MALRD1: variants seen among roughly 807,000 people sequenced by gnomAD.
MALRD1 encodes MAM and LDL receptor class A domain containing 1.
A neutral mutation model predicts 242.1 loss-of-function variants in MALRD1; 247 were observed. That is an observed-to-expected ratio of 1.02 (90% CI 0.92 to 1.13). MALRD1 has a LOEUF of 1.13. MALRD1 is among the 50% of genes most tolerant of loss of function. The pLI, the probability that MALRD1 is intolerant of heterozygous loss-of-function variation, is 0.00. For synonymous variants in MALRD1, 995 were observed against 866.6 expected (o/e 1.15, Z -2.60); for missense variants, 2,989 against 2,533.1 (o/e 1.18, Z -3.86).
chr10:19,198,054 G>A (rs569889544), intron 14 of MALRD1, among the ~76,000 whole-genome samples: 3 of 152,084 alleles, frequency 2.0e-5, no homozygotes, highest in South Asian at 2.1e-4. Flanking sequence ...TTTTTGAGAC[G>A]GAGTCTCTGT....
At chr10:19,541,481 A>G (rs1410084375) in intron 32 of MALRD1, among the ~76,000 whole-genome samples, 3 of 152,216 alleles carry the variant, frequency 2.0e-5, no homozygotes, top group Non-Finnish European at 4.4e-5. Context: ...ATCCTGGCAC[A>G]TTGAAATCAT....
chr10:19,458,847 T>C (rs998448600), intron 29 of MALRD1, among the ~76,000 whole-genome samples: 10 of 152,082 alleles, frequency 6.6e-5, no homozygotes, highest in Admixed American at 1.3e-4. Flanking sequence ...AATCTGTAGA[T>C]GAGAATCTCT....
intron 36 of MALRD1, among the ~76,000 whole-genome samples, chr10:19,629,108 C>T (rs1052893287): frequency 6.6e-6 from 1 of 152,150 alleles, no homozygotes; most frequent in Non-Finnish European, 1.5e-5. Context: ...TACCTAATTT[C>T]CCCTGTCTGC....
At position 19,215,728 on chromosome 10, in the gene MALRD1, T is replaced by TGAGTTTATTTTGCTGCCAAAATTG. The variant is rs1564473159; in HGVS notation, c.2991+6048_2991+6049insGAGTTTATTTTGCTGCCAAAATTG. 5.2e-5 allele frequency among the ~76,000 whole-genome samples: 6 copies of TGAGTTTATTTTGCTGCCAAAATTG among 115,566 alleles called. 1 individual carries two copies. Among genetic ancestry groups the TGAGTTTATTTTGCTGCCAAAATTG allele is most frequent in the Admixed American group, 1.9e-4 (2 of 10,684 alleles). 75.8% of individuals were successfully genotyped at this position (115,566 alleles called of 152,430 possible). ...GCAGACGTGCTATAATAAATTAGTA[T>TGAGTTTATTTTGCTGCCAAAATTG]AAATAATTTAGTATAAATAATAATT... On this transcript the variant is annotated intron_variant, in intron 18 of 39. Coordinates refer to ENST00000454679, the MANE Select transcript of MALRD1 (RefSeq NM_001142308.3).
At chr10:19,332,309 T>A (rs1454287384) in intron 24 of MALRD1, among the ~76,000 whole-genome samples, 1 of 151,764 alleles carries the variant, frequency 6.6e-6, no homozygotes, top group Non-Finnish European at 1.5e-5. Context: ...ATGTGATAGG[T>A]TGTTAAAAAA....
intron 25 of MALRD1, among the ~76,000 whole-genome samples, chr10:19,348,732 C>T (rs1329319014): frequency 1.3e-5 from 2 of 149,130 alleles, no homozygotes; most frequent in African/African-American, 5.2e-5. Flanking sequence ...CCATAAAAGA[C>T]TTGAGTTAGC....
intron 18 of MALRD1, among the ~76,000 whole-genome samples, chr10:19,255,288 A>G (rs1839458665): frequency 6.6e-6 from 1 of 151,964 alleles, no homozygotes; most frequent in East Asian, 1.9e-4. Context: ...GACTTCCCTA[A>G]TTTCCGGAAT....
intron 2 of MALRD1, among the ~76,000 whole-genome samples, chr10:19,078,271 G>A (rs1003599047): frequency 6.6e-6 from 1 of 151,784 alleles, no homozygotes; most frequent in Non-Finnish European, 1.5e-5. Context: ...TTATAAGAGA[G>A]TGTTAAGACT....
At chr10:19,541,880 A>G (rs896899332) in intron 32 of MALRD1, among the ~76,000 whole-genome samples, 18 of 152,242 alleles carry the variant, frequency 1.2e-4, no homozygotes, top group Admixed American at 5.9e-4. Context: ...AATAGAAAAT[A>G]TAAACCATAG....
At chr10:19,733,331 T>C (rs1835369464) in intron 39 of MALRD1, among the ~76,000 whole-genome samples, 1 of 152,190 alleles carries the variant, frequency 6.6e-6, no homozygotes, top group African/African-American at 2.4e-5. Flanking sequence ...CCAGAAGGTT[T>C]TCAAACAAAT....
chr10:19,539,982 A>G (rs1043467558), intron 32 of MALRD1, among the ~76,000 whole-genome samples: 1 of 150,890 alleles, frequency 6.6e-6, no homozygotes, highest in Non-Finnish European at 1.5e-5. Flanking sequence ...AGCTCAAGTG[A>G]TCTGCCCACC....
At chr10:19,401,032 A>G (rs1483785679) in intron 28 of MALRD1, among the ~76,000 whole-genome samples, 1 of 152,136 alleles carries the variant, frequency 6.6e-6, no homozygotes, top group African/African-American at 2.4e-5. Context: ...AAAAAAATAA[A>G]AAAAGAAGAA....
chr10:19,324,152 C>G (rs944596043), intron 22 of MALRD1, 47 bp downstream of exon 22: 3 of 1,507,690 alleles, frequency 2.0e-6, no homozygotes, highest in Admixed American at 2.0e-5. Context: ...TCTAAAAGTT[C>G]ACAGTGCATA....
intron 4 of MALRD1, among the ~76,000 whole-genome samples, chr10:19,095,826 A>G (rs1289426987): frequency 6.6e-6 from 1 of 152,212 alleles, no homozygotes; most frequent in East Asian, 1.9e-4. Flanking sequence ...TGTCTCAACA[A>G]CGACAACAAA....
At chr10:19,287,540 T>C (rs1046058671) in intron 21 of MALRD1, among the ~76,000 whole-genome samples, 2 of 152,138 alleles carry the variant, frequency 1.3e-5, no homozygotes, top group African/African-American at 2.4e-5. Context: ...TTAATAGTTT[T>C]CTTATCTTTT....
chr10:19,714,313 C>G (rs1834277181), intron 38 of MALRD1, among the ~76,000 whole-genome samples: 1 of 152,138 alleles, frequency 6.6e-6, no homozygotes, highest in Non-Finnish European at 1.5e-5. Context: ...TAGGGCTGCC[C>G]AGTGGCTGGG....
intron 24 of MALRD1, among the ~76,000 whole-genome samples, chr10:19,344,010 T>C (rs1169736867): frequency 6.6e-6 from 1 of 152,152 alleles, no homozygotes; most frequent in Non-Finnish European, 1.5e-5. Flanking sequence ...ATTAGACTTC[T>C]TTTTAACTGT....
In MALRD1 at chr10:19,077,401, A is replaced by G. The variant is rs118049651; in HGVS notation, c.341-10439A>G. On this transcript the variant is annotated intron_variant, in intron 2 of 39. Coordinates refer to ENST00000454679, the MANE Select transcript of MALRD1 (RefSeq NM_001142308.3). ...AAAAGAAATGTCTGCCATTTTTTTC[A>G]TAGTGCACACCCATTTCAGGCCAAG... Among the ~76,000 whole-genome samples the G allele has an allele frequency of 1.7e-3, 254 of 152,026 alleles. 1 individual carries two copies. Among genetic ancestry groups the G allele is most frequent in the Non-Finnish European group, 3.1e-3 (209 of 67,910 alleles).
intron 18 of MALRD1, among the ~76,000 whole-genome samples, chr10:19,219,160 G>A (rs1439343537): frequency 6.6e-6 from 1 of 151,868 alleles, no homozygotes; most frequent in Non-Finnish European, 1.5e-5. Flanking sequence ...GATTTTCATG[G>A]TGCTGAAAAA....
Sources: allele counts gnomAD v4.1 joint callset (sites outside exome capture counted in the v4.1 genomes callset), GRCh38; gene constraint gnomAD v4.1.1; transcripts MANE v1.5; gene names NCBI Gene and HGNC (gene_info 2026-07-23, HGNC 2026-07-21).